Variants in KCNK2 observed in about 807,000 individuals in gnomAD.
KCNK2 encodes potassium two pore domain channel subfamily K member 2.
KCNK2 carries 21 observed loss-of-function variants against 40.5 expected under a neutral mutation model. That is an observed-to-expected ratio of 0.52 (90% CI 0.37 to 0.75). The LOEUF (loss-of-function observed/expected upper bound fraction) is 0.75, where lower values mean the gene tolerates loss of function less well. Ranked by LOEUF, KCNK2 falls within the 30% of genes least tolerant of loss-of-function variation. The pLI, the probability that KCNK2 is intolerant of heterozygous loss-of-function variation, is 0.00. For missense variants in KCNK2, 399 were observed against 531.6 expected, an observed-to-expected ratio of 0.75 and a Z score of 2.45; for synonymous variants, 191 against 202.2, an observed-to-expected ratio of 0.94 and a Z score of 0.47.
intron 1 of KCNK2, among the ~76,000 whole-genome samples, chr1:215,040,276 C>A (rs1392231200): frequency 6.6e-6 from 1 of 152,066 alleles, no homozygotes; most frequent in Non-Finnish European, 1.5e-5. Context: ...ACCATTAATT[C>A]TTAAATGTGT....
intron 3 of KCNK2, among the ~76,000 whole-genome samples, chr1:215,125,739 A>AATATATAT (rs66622204): frequency 9.6e-4 from 119 of 124,240 alleles, no homozygotes; most frequent in Middle Eastern, 4.3e-3. Flanking sequence ...AAGTATAATA[A>AATATATAT]ATATATATAT....
At chr1:215,019,453 A>G (rs1318657787) in intron 1 of KCNK2, among the ~76,000 whole-genome samples, 1 of 152,172 alleles carries the variant, frequency 6.6e-6, no homozygotes. Context: ...CAATATGACA[A>G]TGTCAGTTGT....
chr1:215,086,172 C>T (rs1659426308), intron 1 of KCNK2, among the ~76,000 whole-genome samples, 196 bp from the exon 2 acceptor site: 1 of 152,146 alleles, frequency 6.6e-6, no homozygotes, highest in Non-Finnish European at 1.5e-5. Flanking sequence ...GCAGAGAGCA[C>T]AGATCCAGCC....
intron 3 of KCNK2, among the ~76,000 whole-genome samples, chr1:215,155,386 G>C (rs1662871643): frequency 6.6e-6 from 1 of 151,706 alleles, no homozygotes; most frequent in African/African-American, 2.4e-5. Flanking sequence ...AATATTTATT[G>C]ACTATTATTA....
intron 6 of KCNK2, among the ~76,000 whole-genome samples, chr1:215,207,567 G>C (rs1452732059): frequency 2.0e-5 from 3 of 152,176 alleles, no homozygotes; most frequent in Non-Finnish European, 4.4e-5. Flanking sequence ...AAGAATGGTG[G>C]ACAGGTACTT....
At chr1:215,066,953 T>G (rs1658569173) in intron 1 of KCNK2, among the ~76,000 whole-genome samples, 1 of 152,228 alleles carries the variant, frequency 6.6e-6, no homozygotes, top group African/African-American at 2.4e-5. Flanking sequence ...TAAAACACTT[T>G]ATATTTTTAT....
intron 3 of KCNK2, among the ~76,000 whole-genome samples, chr1:215,136,927 T>C (rs1661947411): frequency 6.6e-6 from 1 of 152,220 alleles, no homozygotes; most frequent in African/African-American, 2.4e-5. Context: ...TAAAAAACTG[T>C]ATTTTATATT....
At chr1:215,097,584 C>T (rs1293211439) in intron 2 of KCNK2, among the ~76,000 whole-genome samples, 1 of 151,884 alleles carries the variant, frequency 6.6e-6, no homozygotes, top group Non-Finnish European at 1.5e-5. Flanking sequence ...TGGTTTCATG[C>T]AGTTGCTTTA....
chr1:215,061,475 A>G (rs530029069), intron 1 of KCNK2, among the ~76,000 whole-genome samples: 10 of 152,172 alleles, frequency 6.6e-5, no homozygotes, highest in Non-Finnish European at 1.5e-4. Context: ...AAATAAGACT[A>G]TCACATGTTT....
In KCNK2 at chr1:215,127,319, G is replaced by A. The variant is rs995723802; in HGVS notation, c.475+2569G>A. 2.4e-4 allele frequency among the ~76,000 whole-genome samples: 36 copies of A among 152,066 alleles called. 1 individual carries two copies. Among genetic ancestry groups the A allele is most frequent in the Admixed American group, 2.3e-3 (35 of 15,236 alleles). ...ATTCCTTGGAAATATGCCCAAGGAA[G>A]TTATACAAAATAAAATATTAAAATT... On this transcript the variant is annotated intron_variant, in intron 3 of 6. Coordinates refer to ENST00000444842, the MANE Select transcript of KCNK2 (RefSeq NM_001017425.3).
chr1:215,109,478 G>A (rs1052853918), intron 2 of KCNK2, among the ~76,000 whole-genome samples: 5 of 151,794 alleles, frequency 3.3e-5, no homozygotes, highest in Non-Finnish European at 7.4e-5. Context: ...TCTGTACCTG[G>A]CTTATCTTAA....
chr1:215,101,268 T>C (rs1277026793), intron 2 of KCNK2, among the ~76,000 whole-genome samples: 1 of 151,976 alleles, frequency 6.6e-6, no homozygotes, highest in Non-Finnish European at 1.5e-5. Context: ...GTGCTAATCA[T>C]CTGAAGACTA....
chr1:215,015,328 C>T (rs931643181), intron 1 of KCNK2, among the ~76,000 whole-genome samples: 2 of 152,086 alleles, frequency 1.3e-5, no homozygotes, highest in Non-Finnish European at 2.9e-5. Context: ...ATTGTGTGCA[C>T]TGGCTGTGGT....
intron 3 of KCNK2, among the ~76,000 whole-genome samples, chr1:215,142,389 G>T (rs1662221464): frequency 6.6e-6 from 1 of 152,182 alleles, no homozygotes; most frequent in South Asian, 2.1e-4. Flanking sequence ...TAATCTAGAA[G>T]TATTATATTA....
chr1:215,007,183 GGGTATATATATATATATATA>G (rs201769482), intron 1 of KCNK2, among the ~76,000 whole-genome samples: 30,491 of 83,606 alleles, frequency 0.36, 5,324 homozygotes, highest in South Asian at 0.6. Flanking sequence ...GTATGTGTGT[GGGTATATATATATATATATA>G]TATATATATA....
At chr1:215,186,103 T>C (rs1326390531) in intron 5 of KCNK2, among the ~76,000 whole-genome samples, 1 of 152,120 alleles carries the variant, frequency 6.6e-6, no homozygotes, top group African/African-American at 2.4e-5. Context: ...GCAAGAAAAG[T>C]AGATTTTCTA....
chr1:215,142,448 A>G (rs1455346215), intron 3 of KCNK2, among the ~76,000 whole-genome samples: 2 of 152,200 alleles, frequency 1.3e-5, no homozygotes, highest in African/African-American at 4.8e-5. Flanking sequence ...TAAGTAATAT[A>G]GCATGTTATG....
At chr1:215,233,020 A>T (rs1008453398) in intron 6 of KCNK2, among the ~76,000 whole-genome samples, 39 of 152,310 alleles carry the variant, frequency 2.6e-4, no homozygotes, top group African/African-American at 9.1e-4. Flanking sequence ...TGCCTTCCTA[A>T]CCTGGGAGTC....
At chr1:215,127,752 C>G (rs1661495980) in intron 3 of KCNK2, among the ~76,000 whole-genome samples, 1 of 152,098 alleles carries the variant, frequency 6.6e-6, no homozygotes, top group African/African-American at 2.4e-5. Context: ...TCTGTATCTC[C>G]AAATGCCTGA....
Sources: allele counts gnomAD v4.1 joint callset (sites outside exome capture counted in the v4.1 genomes callset), GRCh38; gene constraint gnomAD v4.1.1; transcripts MANE v1.5; gene names NCBI Gene and HGNC (gene_info 2026-07-23, HGNC 2026-07-21).